Variants in CASK observed in about 807,000 individuals in gnomAD.
CASK encodes the protein calcium/calmodulin dependent serine protein kinase, also known as peripheral plasma membrane protein CASK.
A neutral mutation model predicts 82.9 loss-of-function variants in CASK; 4 were observed. The ratio of observed to expected loss-of-function variants is 0.05; its 90% confidence interval spans 0.02 to 0.11. The LOEUF is 0.11. Among genes scored for constraint, CASK ranks in the 10% least tolerant of loss-of-function variants. The pLI is 1.00. For missense variants in CASK, 358 were observed against 720.9 expected (o/e 0.50, Z 5.76); for synonymous variants, 259 against 253.5 (o/e 1.02, Z -0.20).
chrX:41,880,243 C>T (rs2071923043), intron 1 of CASK, among the ~76,000 whole-genome samples: 1 of 111,723 alleles, frequency 9.0e-6, no homozygotes, highest in Non-Finnish European at 1.9e-5. Flanking sequence ...ACAAAGAGGG[C>T]TTCTGGTAAC....
At chrX:41,846,439 G>C (rs988819385) in intron 2 of CASK, among the ~76,000 whole-genome samples, 4 of 108,630 alleles carry the variant, frequency 3.7e-5, no homozygotes, top group African/African-American at 1.3e-4. Flanking sequence ...GGGTAGTTGG[G>C]GGGGCGGGGG....
intron 11 of CASK, among the ~76,000 whole-genome samples, chrX:41,615,164 C>T (rs961425527): frequency 5.4e-5 from 6 of 111,561 alleles, no homozygotes; most frequent in Admixed American, 4.8e-4. Flanking sequence ...TCACTGAAAA[C>T]ATTAAGTGGA....
chrX:41,599,094 G>A (rs996829610), intron 12 of CASK, among the ~76,000 whole-genome samples: 3 of 111,457 alleles, frequency 2.7e-5, no homozygotes, highest in Non-Finnish European at 3.8e-5. Flanking sequence ...GATTTTCCCT[G>A]GACTAAGGTT....
At chrX:41,787,492 A>G (rs977719899) in intron 2 of CASK, among the ~76,000 whole-genome samples, 1 of 107,285 alleles carries the variant, frequency 9.3e-6, no homozygotes, top group Non-Finnish European at 1.9e-5. Context: ...ATCTATATAC[A>G]GTATAGAGTG....
chrX:41,774,440 G>A lies in CASK; in HGVS notation c.278+12738C>T, dbSNP rs893361693. The stretch of plus-strand genomic sequence containing the variant: ...TCATGGGTAGGAAGAATCCAATATC[G>A]TGAAAATGGCCATACTGCCCAAGGT... On this transcript the variant is annotated intron_variant, in intron 3 of 26. Coordinates refer to ENST00000378163, the MANE Select transcript of CASK (RefSeq NM_001367721.1). Among the ~76,000 whole-genome samples, 5 of 111,494 alleles carry A rather than the reference G, an allele frequency of 4.5e-5. No homozygotes were observed. The Admixed American group carries it at 4.8e-4, about 11-fold the overall frequency.
intron 3 of CASK, among the ~76,000 whole-genome samples, chrX:41,755,704 G>T (rs2068881444): frequency 9.0e-6 from 1 of 111,702 alleles, no homozygotes; most frequent in Admixed American, 9.5e-5. Context: ...ATTACAGATG[G>T]TATATATAGA....
intron 2 of CASK, among the ~76,000 whole-genome samples, chrX:41,828,409 T>G (rs1284171457): frequency 9.0e-6 from 1 of 111,495 alleles, no homozygotes; most frequent in Non-Finnish European, 1.9e-5. Flanking sequence ...AAAAAATCAC[T>G]GAATGAACAA....
intron 8 of CASK, among the ~76,000 whole-genome samples, chrX:41,640,642 C>T (rs2066632339): frequency 8.9e-6 from 1 of 111,825 alleles, no homozygotes; most frequent in African/African-American, 3.3e-5. Context: ...TTTTCCTGTG[C>T]TTATCTGCCA....
At chrX:41,830,847 G>T (rs1371709318) in intron 2 of CASK, among the ~76,000 whole-genome samples, 1 of 107,510 alleles carries the variant, frequency 9.3e-6, no homozygotes, top group Non-Finnish European at 1.9e-5. Context: ...CAAAAGAAGT[G>T]ATAGATAAAC....
At chrX:41,818,864 T>C (rs1425339020) in intron 2 of CASK, among the ~76,000 whole-genome samples, 1 of 110,086 alleles carries the variant, frequency 9.1e-6, no homozygotes, top group Non-Finnish European at 1.9e-5. Context: ...GTATCCAGAC[T>C]TCAGAAAATA....
At chrX:41,769,258 T>C (rs1185987755) in intron 3 of CASK, among the ~76,000 whole-genome samples, 3 of 105,035 alleles carry the variant, frequency 2.9e-5, no homozygotes, top group African/African-American at 1.0e-4. Flanking sequence ...TACAGTAGTA[T>C]GATCTTGGCT....
At chrX:41,780,727 C>A (rs1446921190) in intron 3 of CASK, among the ~76,000 whole-genome samples, 1 of 111,499 alleles carries the variant, frequency 9.0e-6, no homozygotes, top group Non-Finnish European at 1.9e-5. Context: ...TGGCTCACTG[C>A]AACCTCTGCT....
chrX:41,917,945 G>T (rs1376892555), intron 1 of CASK, among the ~76,000 whole-genome samples: 2 of 111,526 alleles, frequency 1.8e-5, no homozygotes, highest in Non-Finnish European at 3.8e-5. Flanking sequence ...AACTCCCATG[G>T]CTTGCATTCT....
At chrX:41,702,652 G>A (rs997578898) in intron 5 of CASK, among the ~76,000 whole-genome samples, 1 of 109,968 alleles carries the variant, frequency 9.1e-6, no homozygotes, top group East Asian at 2.9e-4. Context: ...AAATTAGCTG[G>A]GTGTGGTGGC....
At chrX:41,741,558 C>G (rs766621631) in intron 4 of CASK, among the ~76,000 whole-genome samples, 1 of 111,981 alleles carries the variant, frequency 8.9e-6, no homozygotes, top group East Asian at 2.8e-4. Flanking sequence ...TCTCATAACA[C>G]AAAACCAAAC....
intron 1 of CASK, among the ~76,000 whole-genome samples, chrX:41,904,627 T>C (rs1009912099): frequency 9.0e-6 from 1 of 111,616 alleles, no homozygotes; most frequent in African/African-American, 3.3e-5. Flanking sequence ...CCAACTTTTA[T>C]TTTAGGTTCA....
chrX:41,557,952 A>AT (rs746985441), intron 18 of CASK, among the ~76,000 whole-genome samples: 2,088 of 111,007 alleles, frequency 0.019, 49 homozygotes, highest in African/African-American at 0.065. Context: ...TTTAAAAGAC[A>AT]TTTTTTTTCC....
Position 41,559,898 on chromosome X carries a change from T to C in CASK, c.1669-51A>G, listed in dbSNP as rs761856774. On this transcript the variant is annotated intron_variant, in intron 17 of 26. Coordinates refer to ENST00000378163, the MANE Select transcript of CASK (RefSeq NM_001367721.1). The stretch of plus-strand genomic sequence containing the variant: ...AGAAAAGTTTTCTTACAAACAATTG[T>C]TCACAAAACCATGTAAGAAGCCACT... 1.0e-5 allele frequency: 11 copies of C among 1,084,071 alleles called. No individual in the cohort carries two copies. In the East Asian group the frequency reaches 2.7e-4, roughly 27 times the overall value. 89.3% of individuals were successfully genotyped at this position (1,084,071 alleles called of 1,213,427 possible).
At position 41,897,028 on chromosome X, in the gene CASK, A is replaced by G. The variant is rs548021213; in HGVS notation, c.59+25902T>C. 7.2e-5 allele frequency among the ~76,000 whole-genome samples: 8 copies of G among 111,810 alleles called. No homozygotes were observed. In the South Asian group the frequency reaches 3.0e-3, roughly 41 times the overall value. On this transcript the variant is annotated intron_variant, in intron 1 of 26. Coordinates refer to ENST00000378163, the MANE Select transcript of CASK (RefSeq NM_001367721.1). The stretch of plus-strand genomic sequence containing the variant: ...TAACAGGTTTTTTTGGTGGAGTTTT[A>G]AGAGTTTTTGATATATAATTTTAAG...
Sources: allele counts gnomAD v4.1 joint callset (sites outside exome capture counted in the v4.1 genomes callset), GRCh38; gene constraint gnomAD v4.1.1; transcripts MANE v1.5; gene names NCBI Gene and HGNC (gene_info 2026-07-23, HGNC 2026-07-21).